COMT: variants seen among roughly 807,000 people sequenced by gnomAD.
COMT encodes the protein catechol O-methyltransferase.
Under a neutral mutation model 18.9 loss-of-function variants are expected in COMT, and 13 were observed. That is an observed-to-expected ratio of 0.69 (90% CI 0.45 to 1.09). The LOEUF (loss-of-function observed/expected upper bound fraction) is 1.09. COMT is among the 50% of genes least tolerant of loss of function. COMT has a pLI of 0.00. For synonymous variants in COMT, 150 were observed against 160.9 expected (o/e 0.93, Z 0.51); for missense variants, 329 against 361.8 (o/e 0.91, Z 0.73).
intron 5 of COMT, 58 bp from the exon 6 acceptor site, chr22:19,968,478 G>A (rs1942548146): frequency 1.3e-6 from 2 of 1,548,664 alleles, no homozygotes; most frequent in Non-Finnish European, 1.8e-6. Flanking sequence ...CCTGGTTTGG[G>A]GCAGGTTCTC....
chr22:19,961,590 G>A (rs974853374), intron 2 of COMT: 1 of 152,296 alleles, frequency 6.6e-6, no homozygotes, highest in Non-Finnish European at 1.5e-5. Context: ...GTCCAGCAGA[G>A]AGTGGGATCT....
intron 5 of COMT, 106 bp downstream of exon 5, chr22:19,964,405 A>G: frequency 1.3e-6 from 2 of 1,518,848 alleles, no homozygotes; most frequent in South Asian, 1.2e-5. Context: ...CCCTGTGTGG[A>G]CACAGCTCGC....
chr22:19,965,797 T>C (rs978743466), intron 5 of COMT, among the ~76,000 whole-genome samples: 1 of 141,570 alleles, frequency 7.1e-6, no homozygotes, highest in African/African-American at 2.7e-5. Context: ...GGAGGACCTG[T>C]AGTGGCCAAG....
intron 5 of COMT, chr22:19,964,832 G>T (rs568047540): frequency 2.0e-5 from 6 of 300,218 alleles, no homozygotes; most frequent in Admixed American, 9.4e-5. Flanking sequence ...TCCCTGGGGG[G>T]CGTGGGGCAC....
intron 2 of COMT, 83 bp downstream of exon 2, chr22:19,961,372 CAT>C (rs1942188389): frequency 6.6e-6 from 1 of 152,402 alleles, no homozygotes; most frequent in African/African-American, 2.4e-5. Context: ...CTGCTGAGCA[CAT>C]GTCCACTCTG....
Position 19,969,032 on chromosome 22 carries a change from C to T in COMT, c.*296C>T, listed in dbSNP as rs947572832. ...AGAATCTAAATATTTAGATATAACT[C>T]GACTTAGTACATCCTTCTCAACTGC... On this transcript the variant is annotated 3_prime_UTR_variant, in exon 6 of 6. Transcript: ENST00000361682. 1 of 288,156 alleles carries T rather than the reference C, an allele frequency of 3.5e-6. No homozygotes were observed. Among genetic ancestry groups the T allele is most frequent in the South Asian group, 3.7e-5 (1 of 27,344 alleles). The allele number at this position is 288,156 out of a possible 1,614,324, so 17.8% of individuals were successfully genotyped here.
chr22:19,960,864 G>A (rs571569262), intron 1 of COMT, among the ~76,000 whole-genome samples: 19 of 152,368 alleles, frequency 1.2e-4, no homozygotes, highest in Non-Finnish European at 2.5e-4. Flanking sequence ...CTCTTCAGGG[G>A]AAATACAACT....
chr22:19,961,240 G>A lies in COMT; in HGVS notation c.-50G>A, dbSNP rs543431264. On this transcript the variant is annotated 5_prime_UTR_variant, in exon 2 of 6. Transcript: ENST00000361682. ...GCTGCCGAGCTCAGAGGAGACCCCA[G>A]ACCCCTCCCGCAGCCAGAGGGCTGG... 2 of 152,468 alleles carry A rather than the reference G, an allele frequency of 1.3e-5. No homozygotes were observed. The highest frequency in any genetic ancestry group is 4.8e-5 in the African/African-American group (2 of 41,592). 9.4% of individuals were successfully genotyped at this position (152,468 alleles called of 1,614,324 possible).
chr22:19,956,952 G>T (rs1339200521), intron 1 of COMT, among the ~76,000 whole-genome samples: 2 of 150,090 alleles, frequency 1.3e-5, no homozygotes, highest in African/African-American at 4.9e-5. Context: ...AAACATTCCT[G>T]TCTTTTTTTT....
Position 19,969,708 on chromosome 22 carries a change from G to A in COMT, c.*972G>A, listed in dbSNP as rs746308479. 10 of 459,976 alleles carry A rather than the reference G, an allele frequency of 2.2e-5. No individual in the cohort carries two copies. The highest frequency in any genetic ancestry group is 2.9e-5 in the Non-Finnish European group (10 of 350,204). The allele number at this position is 459,976 out of a possible 1,614,324, so 28.5% of individuals were successfully genotyped here. On this transcript the variant is annotated 3_prime_UTR_variant, in exon 6 of 6. Coordinates refer to ENST00000361682, the MANE Select transcript of COMT (RefSeq NM_000754.4). The stretch of plus-strand genomic sequence containing the variant: ...CCCAGCCAGCCCACTCCTATGGATA[G>A]ACAGACCAGTGAGCCCAAGTGGACA...
At chr22:19,948,954 C>CAAAA (rs71186636) in intron 1 of COMT, among the ~76,000 whole-genome samples, 1,823 of 86,478 alleles carry the variant, frequency 0.021, 53 homozygotes, top group African/African-American at 0.04. Context: ...GACTCTGTCT[C>CAAAA]AAAAAAAAAA....
At chr22:19,959,003 CT>C (rs981466848) in intron 1 of COMT, among the ~76,000 whole-genome samples, 21 of 152,194 alleles carry the variant, frequency 1.4e-4, no homozygotes, top group Non-Finnish European at 2.6e-4. Context: ...TCAAAACTGT[CT>C]TTTTGCCTCT....
At chr22:19,950,650 C>T (rs1941915558) in intron 1 of COMT, among the ~76,000 whole-genome samples, 1 of 151,884 alleles carries the variant, frequency 6.6e-6, no homozygotes, top group Admixed American at 6.6e-5. Flanking sequence ...AAGAGAGAGG[C>T]CTGCAGCGGG....
At position 19,962,597 on chromosome 22, in the gene COMT, T is replaced by C; in HGVS notation, c.71T>C (p.Leu24Pro). ...LGLVLLVVLL[L>P]LLRHWGWGLC... Reference sequence around the variant, plus strand: ...CTGGTGCTGCTGGTGGTGCTGCTGCTGCTTCTGAGGCACTGGGGCTGGGGC... The same window carrying C: ...CTGGTGCTGCTGGTGGTGCTGCTGCCGCTTCTGAGGCACTGGGGCTGGGGC... The change falls in exon 3 of 6, where the codon CTG (leucine) becomes CCG (proline). Residue 24 changes from leucine (L) to proline (P), a missense_variant. Leu to Pro is a moderately conservative substitution (Grantham distance 98, BLOSUM62 -3). Coordinates refer to ENST00000361682, the MANE Select transcript of COMT (RefSeq NM_000754.4). The C allele has an allele frequency of 6.3e-7, 1 of 1,588,104 alleles. No homozygotes were observed. The highest frequency in any genetic ancestry group is 8.6e-7 in the Non-Finnish European group (1 of 1,167,636).
At position 19,968,810 on chromosome 22, in the gene COMT, CCTT is replaced by C; in HGVS notation, c.*77_*79del. 1 of 1,418,598 alleles carries C rather than the reference CCTT, an allele frequency of 7.0e-7. No homozygotes were observed. The highest frequency in any genetic ancestry group is 1.4e-5 in the African/African-American group (1 of 71,566). The allele number at this position is 1,418,598 out of a possible 1,614,324, so 87.9% of individuals were successfully genotyped here. A position where few individuals can be genotyped will look rare whatever the true frequency, so the allele number is the denominator to read the frequency against. On this transcript the variant is annotated 3_prime_UTR_variant, in exon 6 of 6. Transcript: ENST00000361682. Reference sequence around the variant, plus strand: ...AAGGTGCCAGACGTGCTCCTGCTGACCTTCTGCGGCTCCGGGCTGTGTCCTAAA... The same window carrying C: ...AAGGTGCCAGACGTGCTCCTGCTGACCTGCGGCTCCGGGCTGTGTCCTAAA...
At position 19,962,224 on chromosome 22, in the gene COMT, T is replaced by C. The variant is rs11569716; in HGVS notation, c.1-303T>C. ...TCCGTGTCTGCTTCTGTATTTTGTG[T>C]GGTTTTAGAGGATCCCTGGGCTGCC... On this transcript the variant is annotated intron_variant, in intron 2 of 5. Transcript: ENST00000361682. 0.016 allele frequency: 7,741 copies of C among 472,890 alleles called. 300 individuals carry two copies. The highest frequency in any genetic ancestry group is 0.1 in the African/African-American group (5,343 of 51,198). The allele number at this position is 472,890 out of a possible 1,614,324, so 29.3% of individuals were successfully genotyped here. A position where few individuals can be genotyped will look rare whatever the true frequency, so the allele number is the denominator to read the frequency against.
In COMT at chr22:19,961,253, G is replaced by A. The variant is rs1207570598; in HGVS notation, c.-37G>A. 2 of 152,344 alleles carry A rather than the reference G, an allele frequency of 1.3e-5. No individual in the cohort carries two copies. The highest frequency in any genetic ancestry group is 2.9e-5 in the Non-Finnish European group (2 of 68,112). The allele number at this position is 152,344 out of a possible 1,614,324, so 9.4% of individuals were successfully genotyped here. On this transcript the variant is annotated 5_prime_UTR_variant, in exon 2 of 6. Coordinates refer to ENST00000361682, the MANE Select transcript of COMT (RefSeq NM_000754.4). Reference sequence around the variant, plus strand: ...GAGGAGACCCCAGACCCCTCCCGCAGCCAGAGGGCTGGAGCCTGCTCAGAG... The same window carrying A: ...GAGGAGACCCCAGACCCCTCCCGCAACCAGAGGGCTGGAGCCTGCTCAGAG...
rs78091679 is a variant in COMT at position 19,953,820 on chromosome 22, C to A, written c.-91-7379C>A. Reference sequence around the variant, plus strand: ...CCCAGGCCTGCCCTCTGCTGGGAGCCGGGACACTGAGCTCCTGCCACATGA... The same window carrying A: ...CCCAGGCCTGCCCTCTGCTGGGAGCAGGGACACTGAGCTCCTGCCACATGA... On this transcript the variant is annotated intron_variant, in intron 1 of 5. Coordinates refer to ENST00000361682, the MANE Select transcript of COMT (RefSeq NM_000754.4). Among the ~76,000 whole-genome samples, 766 of 152,214 alleles carry A rather than the reference C, an allele frequency of 5.0e-3. 5 individuals carry two copies. The highest frequency in any genetic ancestry group is 0.018 in the African/African-American group (728 of 41,532).
intron 1 of COMT, among the ~76,000 whole-genome samples, chr22:19,957,728 A>G (rs761942156): frequency 4.6e-5 from 7 of 152,164 alleles, no homozygotes; most frequent in African/African-American, 7.2e-5. Context: ...CCTGCCCTCT[A>G]CTGTGCTGGA....
Sources: allele counts gnomAD v4.1 joint callset (sites outside exome capture counted in the v4.1 genomes callset), GRCh38; gene constraint gnomAD v4.1.1; transcripts MANE v1.5; gene names NCBI Gene and HGNC (gene_info 2026-07-23, HGNC 2026-07-21).